PCDHGA7: variants seen among roughly 807,000 people sequenced by gnomAD.
PCDHGA7 encodes the protein protocadherin gamma-A7.
Under a neutral mutation model 58.3 loss-of-function variants are expected in PCDHGA7, and 44 were observed. The ratio of observed to expected loss-of-function variants is 0.75; its 90% CI spans 0.59 to 0.97. The LOEUF (loss-of-function observed/expected upper bound fraction) is 0.97. Ranked by LOEUF, PCDHGA7 falls within the 50% of genes least tolerant of loss-of-function variation. The probability of loss-of-function intolerance (pLI) is 0.00; values close to 1 mark genes in which losing one functional copy is unlikely to be tolerated. For synonymous variants in PCDHGA7, 516 were observed against 504.2 expected (o/e 1.02, Z -0.31); for missense variants, 1,266 against 1,188.7 (o/e 1.06, Z -0.96).
At position 141,491,952 on chromosome 5, in the gene PCDHGA7, C is replaced by A; in HGVS notation, c.2425-2855C>A. 9.4e-7 allele frequency: 1 copy of A among 1,062,954 alleles called. No homozygotes were observed. The allele number at this position is 1,062,954 out of a possible 1,614,324, so 65.8% of individuals were successfully genotyped here. On this transcript the variant is annotated intron_variant, in intron 1 of 3. Coordinates refer to ENST00000518325, the MANE Select transcript of PCDHGA7 (RefSeq NM_018920.4). The surrounding 1 kb of genome is among the most constrained non-coding windows in gnomAD (Gnocchi z 6.9). ...GGTGGGACCGACCCCCACCCCTACA[C>A]TCAAAAAAGGCCGGGGCCTCCTTCG...
At chr5:141,484,639 C>A (rs1366750263) in intron 1 of PCDHGA7, among the ~76,000 whole-genome samples, 1 of 151,938 alleles carries the variant, frequency 6.6e-6, no homozygotes, top group Non-Finnish European at 1.5e-5. Context: ...AGTGACCACT[C>A]TCCAATGGCT....
intron 1 of PCDHGA7, chr5:141,415,663 T>C: frequency 6.3e-7 from 1 of 1,578,204 alleles, no homozygotes; most frequent in Non-Finnish European, 8.6e-7. Flanking sequence ...GATTGGTTTT[T>C]ACTTTGAAGT....
intron 1 of PCDHGA7, among the ~76,000 whole-genome samples, chr5:141,430,366 A>G (rs551419486): frequency 3.3e-5 from 5 of 150,370 alleles, no homozygotes; most frequent in Admixed American, 6.7e-5. Context: ...CTCATTGGGG[A>G]AAAAAAAGCT....
chr5:141,415,977 C>A (rs1479258110), intron 1 of PCDHGA7: 2 of 354,488 alleles, frequency 5.6e-6, no homozygotes, highest in Non-Finnish European at 9.4e-6. Context: ...CCTTAAGCAA[C>A]CCTCTTGTTC....
At position 141,403,603 on chromosome 5, in the gene PCDHGA7, C is replaced by T. The variant is rs2094431906; in HGVS notation, c.2424+18280C>T. On this transcript the variant is annotated intron_variant, in intron 1 of 3. Coordinates refer to ENST00000518325, the MANE Select transcript of PCDHGA7 (RefSeq NM_018920.4). ...ACCTGGTCCTCACGGCCTCGGATGG[C>T]GGCGAGCCGCGTCGCTCCAGCACAG... 4 of 1,613,762 alleles carry T rather than the reference C, an allele frequency of 2.5e-6. No individual in the cohort carries two copies. The East Asian group carries it at 8.9e-5, about 36-fold the overall frequency.
chr5:141,482,728 A>T (rs192207285), intron 1 of PCDHGA7, among the ~76,000 whole-genome samples: 97 of 128,396 alleles, frequency 7.6e-4, no homozygotes, highest in Admixed American at 3.3e-3. Context: ...GGGCCATTGC[A>T]AGAAATTCCA....
In PCDHGA7 at chr5:141,382,821, CAG is replaced by C; in HGVS notation, c.-76_-75del. ...GGATTCTGAGCTCCCCTTCCTAAGA[CAG>C]AGGGGTCCACCCGGATACACCCGCA... On this transcript the variant is annotated 5_prime_UTR_variant, in exon 1 of 4. Transcript: ENST00000518325. 1 of 1,306,412 alleles carries C rather than the reference CAG, an allele frequency of 7.7e-7. No individual in the cohort carries two copies. The highest frequency in any genetic ancestry group is 1.5e-5 in the South Asian group (1 of 68,268). The allele number at this position is 1,306,412 out of a possible 1,614,324, so 80.9% of individuals were successfully genotyped here. A position where few individuals can be genotyped will look rare whatever the true frequency, so the allele number is the denominator to read the frequency against.
intron 1 of PCDHGA7, among the ~76,000 whole-genome samples, chr5:141,438,935 G>A (rs1306603362): frequency 6.6e-6 from 1 of 151,810 alleles, no homozygotes; most frequent in African/African-American, 2.4e-5. Context: ...CAAAGTGCTG[G>A]GATTATAGGC....
chr5:141,389,194 C>A (rs760691972), intron 1 of PCDHGA7: 15 of 1,613,922 alleles, frequency 9.3e-6, no homozygotes, highest in Non-Finnish European at 1.0e-5. Context: ...TCCAGCATCA[C>A]CCTGCACATT....
At chr5:141,475,813 T>C in intron 1 of PCDHGA7, 1 of 334,788 alleles carries the variant, frequency 3.0e-6, no homozygotes, top group East Asian at 5.5e-5. Flanking sequence ...GAAAGTGAAG[T>C]TCCTGGCGCT....
Position 141,432,726 on chromosome 5 carries a change from C to T in PCDHGA7, c.2424+47403C>T, listed in dbSNP as rs777248611. The T allele has an allele frequency of 3.1e-6, 5 of 1,614,092 alleles. No homozygotes were observed. Among genetic ancestry groups the T allele is most frequent in the Non-Finnish European group, 3.4e-6 (4 of 1,179,998 alleles). On this transcript the variant is annotated intron_variant, in intron 1 of 3. Coordinates refer to ENST00000518325, the MANE Select transcript of PCDHGA7 (RefSeq NM_018920.4). This position sits in a 1 kb window ranked among gnomAD's most constrained non-coding sequence, Gnocchi z 6.0. ...GACCACGGCCAGCCCCCTCTCTCCG[C>T]CACTGTCACGCTCACCGTGGCCGTG...
Position 141,490,440 on chromosome 5 carries a change from T to G in PCDHGA7, c.2425-4367T>G, listed in dbSNP as rs560525159. The G allele has an allele frequency of 6.2e-7, 1 of 1,614,206 alleles. No individual in the cohort carries two copies. The highest frequency in any genetic ancestry group is 1.7e-5 in the Admixed American group (1 of 60,026). On this transcript the variant is annotated intron_variant, in intron 1 of 3. Transcript: ENST00000518325. This position sits in a 1 kb window ranked among gnomAD's most constrained non-coding sequence, Gnocchi z 5.4. ...ACCTGCCATTTCAGATTAAGCCTTCTGAGAACCACTACTCGCTGCTAACCA... is the reference window on the plus strand; with the variant it reads ...ACCTGCCATTTCAGATTAAGCCTTCGGAGAACCACTACTCGCTGCTAACCA...
rs1360364370 is a variant in PCDHGA7, at chr5:141,491,814, G to A, written c.2425-2993G>A. 1 of 1,486,114 alleles carries A rather than the reference G, an allele frequency of 6.7e-7. No individual in the cohort carries two copies. The allele number at this position is 1,486,114 out of a possible 1,614,324, so 92.1% of individuals were successfully genotyped here. On this transcript the variant is annotated intron_variant, in intron 1 of 3. Transcript: ENST00000518325. This position sits in a 1 kb window ranked among gnomAD's most constrained non-coding sequence, Gnocchi z 6.9. ...TCCTCTCCGGCCGGCTTGGTCGCTGGCTGCGCTCCACCCGATTCTCGGGAT... is the reference window on the plus strand; with the variant it reads ...TCCTCTCCGGCCGGCTTGGTCGCTGACTGCGCTCCACCCGATTCTCGGGAT...
chr5:141,392,977 AC>A (rs1561639344), intron 1 of PCDHGA7: 1 of 1,613,678 alleles, frequency 6.2e-7, no homozygotes, highest in South Asian at 1.1e-5. Flanking sequence ...CTGGGGCTGG[AC>A]CCCCGGAAGC....
intron 1 of PCDHGA7, chr5:141,388,663 C>G: frequency 1.9e-6 from 3 of 1,613,928 alleles, no homozygotes; most frequent in East Asian, 2.2e-5. Flanking sequence ...CCGGGGACCA[C>G]GGTGCTACAG....
chr5:141,419,515 G>T, intron 1 of PCDHGA7: 1 of 1,612,264 alleles, frequency 6.2e-7, no homozygotes, highest in Non-Finnish European at 8.5e-7. Flanking sequence ...GCGTGTTGGT[G>T]GGCGACCGTA....
rs1561594429 is a variant in PCDHGA7 at position 141,383,101 on chromosome 5, T to G, written c.202T>G (p.Ser68Ala). The change falls in exon 1 of 4, where the codon TCC (serine) becomes GCC (alanine). Residue 68 changes from serine (S) to alanine (A), a missense_variant. Coordinates refer to ENST00000518325, the MANE Select transcript of PCDHGA7 (RefSeq NM_018920.4). Reference protein sequence around the residue: ...ELAERGVRIISRGRTQLFALN... With the variant: ...ELAERGVRIIARGRTQLFALN... Reference sequence around the variant, plus strand: ...GGCGGAGCGCGGAGTCCGCATCATCTCCAGAGGTAGGACGCAGCTTTTCGC... The same window carrying G: ...GGCGGAGCGCGGAGTCCGCATCATCGCCAGAGGTAGGACGCAGCTTTTCGC... 1.2e-6 allele frequency: 2 copies of G among 1,613,954 alleles called. No homozygotes were observed. Among genetic ancestry groups the G allele is most frequent in the Non-Finnish European group, 1.7e-6 (2 of 1,179,926 alleles).
chr5:141,481,509 T>C (rs2154578624), intron 1 of PCDHGA7, among the ~76,000 whole-genome samples: 2 of 152,326 alleles, frequency 1.3e-5, no homozygotes, highest in Middle Eastern at 3.4e-3. Context: ...GTATGTGAAT[T>C]ATGTCTCAGT....
In PCDHGA7 at chr5:141,419,061, A is replaced by G. The variant is rs747692559; in HGVS notation, c.2424+33738A>G. 5.0e-6 allele frequency: 8 copies of G among 1,613,964 alleles called. No homozygotes were observed. In the Admixed American group the frequency reaches 1.3e-4, roughly 27 times the overall value. ...AAGATTCATTCTTCTTCTAATAATT[A>G]CTACAAGCTAGTAACAGATGAGGCC... On this transcript the variant is annotated intron_variant, in intron 1 of 3. Transcript: ENST00000518325.
Sources: allele counts gnomAD v4.1 joint callset (sites outside exome capture counted in the v4.1 genomes callset), GRCh38; gene constraint gnomAD v4.1.1; non-coding constraint Gnocchi (gnomAD v3.1); transcripts MANE v1.5; gene names NCBI Gene and HGNC (gene_info 2026-07-23, HGNC 2026-07-21).